The following ANO2 variants were observed in gnomAD, a reference collection of about 807,000 sequenced individuals.
ANO2 encodes anoctamin 2.
A neutral mutation model predicts 124.2 loss-of-function variants in ANO2; 101 were observed. The ratio of observed to expected loss-of-function variants is 0.81; its 90% confidence interval spans 0.69 to 0.96. The LOEUF (loss-of-function observed/expected upper bound fraction) is 0.96. Ranked by LOEUF, ANO2 falls within the 40% of genes least tolerant of loss-of-function variation. The probability of loss-of-function intolerance (pLI) is 0.00; values close to 1 mark genes in which losing one functional copy is unlikely to be tolerated. For missense variants in ANO2, 1,293 were observed against 1,274.5 expected (o/e 1.01, Z -0.22); for synonymous variants, 486 against 482.5 (o/e 1.01, Z -0.09).
chr12:5,670,270 A>G (rs1947929663), intron 14 of ANO2, among the ~76,000 whole-genome samples: 1 of 152,234 alleles, frequency 6.6e-6, no homozygotes, highest in Non-Finnish European at 1.5e-5. Flanking sequence ...GTACTATTAA[A>G]TAGTTCAGAT....
intron 23 of ANO2, among the ~76,000 whole-genome samples, chr12:5,575,259 C>G (rs1349581143): frequency 6.6e-6 from 1 of 152,188 alleles, no homozygotes; most frequent in East Asian, 1.9e-4. Flanking sequence ...CAGACCATAG[C>G]CCCCTTGATG....
rs1401107969 is a variant in ANO2 at position 5,921,159 on chromosome 12, C to G, written c.415G>C (p.Gly139Arg). 3 of 1,614,006 alleles carry G rather than the reference C, an allele frequency of 1.9e-6. No individual in the cohort carries two copies. The highest frequency in any genetic ancestry group is 2.5e-6 in the Non-Finnish European group (3 of 1,179,892). Residue 139 changes from glycine to arginine, a missense_variant, in exon 3 of 25, where the codon GGC becomes CGC. Transcript: ENST00000682330. ...GETGKEPHAGGPGDIELGPLD... is the reference protein window; with the variant it reads ...GETGKEPHAGRPGDIELGPLD... ...GGTCCCAGCTCAATGTCACCTGGGC[C>G]CCCAGCATGAGGCTCCTTGCCTGTC...
At chr12:5,934,452 G>C (rs1463937375) in intron 1 of ANO2, among the ~76,000 whole-genome samples, 2 of 152,216 alleles carry the variant, frequency 1.3e-5, no homozygotes, top group Non-Finnish European at 2.9e-5. Context: ...ATAAGAATAA[G>C]AGAGAATTAT....
chr12:5,744,585 T>A (rs1565634600), intron 11 of ANO2, among the ~76,000 whole-genome samples: 1 of 152,152 alleles, frequency 6.6e-6, no homozygotes, highest in Non-Finnish European at 1.5e-5. Context: ...TCAGAGACAT[T>A]GAGCATTAAA....
rs1943829805 is a variant in ANO2 at position 5,599,565 on chromosome 12, G to A, written c.2152C>T (p.His718Tyr). ...TCCCACTGCTCTGGATGTTTCGAAT[G>A]GGCAGAGTCAGTTTCTCCAGCTTCG... is the stretch of plus-strand genomic sequence containing the variant. ...ETEAGETDSA[H>Y]SKHPEQWDLD... The change falls in exon 20 of 25, where the codon CAT (histidine) becomes TAT (tyrosine). Residue 718 changes from histidine (H) to tyrosine (Y), a missense_variant. Physicochemically the swap from His to Tyr is moderately conservative, Grantham distance 83. Transcript: ENST00000682330. The A allele has an allele frequency of 8.7e-6, 14 of 1,613,798 alleles. No homozygotes were observed. Among genetic ancestry groups the A allele is most frequent in the Non-Finnish European group, 1.2e-5 (14 of 1,179,866 alleles).
At chr12:5,638,237 C>CTTTCTT (rs1946127442) in intron 15 of ANO2, among the ~76,000 whole-genome samples, 1 of 124,850 alleles carries the variant, frequency 8.0e-6, no homozygotes, top group Non-Finnish European at 1.7e-5. Flanking sequence ...GTTTCTTTTC[C>CTTTCTT]TTTTTTTTTT....
In ANO2 at chr12:5,612,993, G is replaced by A. The variant is rs376053738; in HGVS notation, c.1929-35C>T. On this transcript the variant is annotated intron_variant, in intron 17 of 24. Coordinates refer to ENST00000682330, the MANE Select transcript of ANO2 (RefSeq NM_001364791.2). ...AACAGTGTGGGAAGAGTTAGGGGAA[G>A]AGAAAGCATGCAGGGTGGCTCAAGG... 1.9e-5 allele frequency: 30 copies of A among 1,609,032 alleles called. No homozygotes were observed. The African/African-American group carries it at 3.6e-4, about 19-fold the overall frequency.
At position 5,827,752 on chromosome 12, in the gene ANO2, CG is replaced by C; in HGVS notation, c.892+16del. The C allele has an allele frequency of 6.2e-7, 1 of 1,606,596 alleles. No individual in the cohort carries two copies. ...TCAGCGCCCGTCAGCACCCTGCCCG[CG>C]GGCTGGGGTCCTTACCCATCGTGTT... is the stretch of plus-strand genomic sequence containing the variant. On this transcript the variant is annotated intron_variant, in intron 7 of 24. Coordinates refer to ENST00000682330, the MANE Select transcript of ANO2 (RefSeq NM_001364791.2).
intron 14 of ANO2, among the ~76,000 whole-genome samples, chr12:5,704,815 G>C (rs1466056812): frequency 2.0e-5 from 3 of 152,074 alleles, no homozygotes. Flanking sequence ...AGCCTGCCAA[G>C]ATTCAGATAT....
intron 14 of ANO2, among the ~76,000 whole-genome samples, chr12:5,666,942 T>TC (rs998244454): frequency 1.3e-5 from 2 of 152,194 alleles, no homozygotes; most frequent in Non-Finnish European, 2.9e-5. Flanking sequence ...TGACTGAAGG[T>TC]CAACCATGCA....
chr12:5,693,776 T>A (rs976231590), intron 14 of ANO2, among the ~76,000 whole-genome samples: 1 of 152,190 alleles, frequency 6.6e-6, no homozygotes, highest in African/African-American at 2.4e-5. Flanking sequence ...TCAGGACCTT[T>A]GCATTTGCTG....
chr12:5,681,283 G>T (rs2137000889), intron 14 of ANO2, among the ~76,000 whole-genome samples: 3 of 152,350 alleles, frequency 2.0e-5, no homozygotes, highest in African/African-American at 7.2e-5. Context: ...GTTATCTTCT[G>T]TAAAGTGAAG....
intron 16 of ANO2, among the ~76,000 whole-genome samples, chr12:5,633,071 A>C (rs1945809597): frequency 6.6e-6 from 1 of 152,200 alleles, no homozygotes; most frequent in South Asian, 2.1e-4. Context: ...TGTTTCCTCC[A>C]TGCGGTGGGA....
intron 9 of ANO2, among the ~76,000 whole-genome samples, chr12:5,803,157 A>G (rs1284961401): frequency 6.6e-6 from 1 of 152,174 alleles, no homozygotes; most frequent in African/African-American, 2.4e-5. Flanking sequence ...GGAGGCATTC[A>G]AGGGACGGGG....
Position 5,944,243 on chromosome 12 carries a change from C to G in ANO2, c.22+953G>C, listed in dbSNP as rs1021467904. 6.6e-5 allele frequency among the ~76,000 whole-genome samples: 10 copies of G among 152,186 alleles called. 1 individual carries two copies. Among genetic ancestry groups the G allele is most frequent in the African/African-American group, 2.4e-4 (10 of 41,442 alleles). On this transcript the variant is annotated intron_variant, in intron 1 of 24. Transcript: ENST00000682330. ...GGCAGGTGGAGGGCCAAGAGGACCA[C>G]AGTCCTCTGGAAGCACCTTCACCTT...
In ANO2 at chr12:5,769,449, A is replaced by G. The variant is rs1007170858; in HGVS notation, c.1056-18479T>C. 5.4e-5 allele frequency among the ~76,000 whole-genome samples: 8 copies of G among 149,330 alleles called. No homozygotes were observed. The East Asian group carries it at 1.6e-3, about 29-fold the overall frequency. On this transcript the variant is annotated intron_variant, in intron 10 of 24. Coordinates refer to ENST00000682330, the MANE Select transcript of ANO2 (RefSeq NM_001364791.2). This position sits in a 1 kb window ranked among gnomAD's most constrained non-coding sequence, Gnocchi z 4.0. ...GAACCAGAGAAATGAGGTGCAAGTG[A>G]CACTTAGGTAAGTAAGTAAGGCATA...
chr12:5,857,772 T>TGATAGACAGATA (rs1555174404), intron 3 of ANO2, among the ~76,000 whole-genome samples: 118 of 148,410 alleles, frequency 8.0e-4, no homozygotes, highest in African/African-American at 2.6e-3. Context: ...AAAAGAAATG[T>TGATAGACAGATA]GATAGATAGA....
At chr12:5,840,075 C>A (rs1372462015) in intron 4 of ANO2, among the ~76,000 whole-genome samples, 1 of 152,108 alleles carries the variant, frequency 6.6e-6, no homozygotes, top group Admixed American at 6.6e-5. Context: ...ATACAATCAG[C>A]AGTGGCATCA....
At chr12:5,728,703 T>C (rs1298580830) in intron 14 of ANO2, among the ~76,000 whole-genome samples, 1 of 151,998 alleles carries the variant, frequency 6.6e-6, no homozygotes, top group Admixed American at 6.6e-5. Context: ...GAAAAAAAAG[T>C]ACAAAGTCAG....
Sources: allele counts gnomAD v4.1 joint callset (sites outside exome capture counted in the v4.1 genomes callset), GRCh38; gene constraint gnomAD v4.1.1; non-coding constraint Gnocchi (gnomAD v3.1); transcripts MANE v1.5; gene names NCBI Gene and HGNC (gene_info 2026-07-23, HGNC 2026-07-21).